GREB1L: variants seen among roughly 807,000 people sequenced by gnomAD.
The protein encoded by GREB1L is GREB1-like protein.
GREB1L carries 17 observed loss-of-function variants against 200.8 expected under a neutral mutation model. The observed-to-expected ratio is 0.08, with a 90% confidence interval of 0.06 to 0.13. The LOEUF (loss-of-function observed/expected upper bound fraction) is 0.13. Among genes scored for constraint, GREB1L ranks in the 10% least tolerant of loss-of-function variants. The pLI, the probability that GREB1L is intolerant of heterozygous loss-of-function variation, is 1.00. For synonymous variants in GREB1L, 789 were observed against 893.0 expected, an observed-to-expected ratio of 0.88 and a Z score of 2.08; for missense variants, 1,657 against 2,367.7, an observed-to-expected ratio of 0.70 and a Z score of 6.23.
At chr18:21,482,498 A>G (rs907222122) in intron 17 of GREB1L, among the ~76,000 whole-genome samples, 42 of 152,192 alleles carry the variant, frequency 2.8e-4, no homozygotes, top group African/African-American at 9.4e-4. Flanking sequence ...ACCTCAAGTG[A>G]TCTGCCCTCC....
intron 2 of GREB1L, among the ~76,000 whole-genome samples, chr18:21,381,769 G>C (rs1195546739): frequency 1.3e-5 from 2 of 152,200 alleles, no homozygotes; most frequent in African/African-American, 2.4e-5. Flanking sequence ...AGAGATTCAA[G>C]GAAAAGTTTG....
At chr18:21,443,049 G>A (rs762723694) in intron 10 of GREB1L, among the ~76,000 whole-genome samples, 10 of 151,562 alleles carry the variant, frequency 6.6e-5, no homozygotes, top group Middle Eastern at 3.2e-3. Flanking sequence ...GATTACGAGC[G>A]TGCACCACCA....
At chr18:21,278,678 C>T (rs1188456920) in intron 1 of GREB1L, among the ~76,000 whole-genome samples, 1 of 151,822 alleles carries the variant, frequency 6.6e-6, no homozygotes, top group East Asian at 1.9e-4. Context: ...ACCAAAAAAA[C>T]ACCAGTCATG....
At chr18:21,346,264 A>G (rs1448475488) in intron 1 of GREB1L, among the ~76,000 whole-genome samples, 3 of 152,200 alleles carry the variant, frequency 2.0e-5, no homozygotes, top group Admixed American at 6.5e-5. Context: ...CACACAGGCT[A>G]TCATGACCAC....
At chr18:21,499,576 A>G (rs8087553) in intron 21 of GREB1L, among the ~76,000 whole-genome samples, 153 bp from the exon 22 acceptor site, 149,985 of 152,342 alleles carry the variant, frequency 0.98, 73,875 homozygotes, top group East Asian at 1. Flanking sequence ...ACACGGAGCA[A>G]TGTGGAGAGC....
intron 20 of GREB1L, among the ~76,000 whole-genome samples, chr18:21,496,081 C>A (rs1241472902): frequency 2.6e-5 from 4 of 152,182 alleles, no homozygotes; most frequent in Non-Finnish European, 4.4e-5. Flanking sequence ...TGTTAATCTG[C>A]TATTCCTGCA....
intron 1 of GREB1L, among the ~76,000 whole-genome samples, chr18:21,267,722 AT>A (rs1218497934): frequency 1.2e-4 from 18 of 151,144 alleles, no homozygotes; most frequent in Non-Finnish European, 2.4e-4. Flanking sequence ...ATTTGCAGGA[AT>A]TTTTTTTTCT....
At position 21,390,693 on chromosome 18, in the gene GREB1L, T is replaced by C. The variant is rs1225803236; in HGVS notation, c.356-4692T>C. On this transcript the variant is annotated intron_variant, in intron 4 of 32. Coordinates refer to ENST00000424526, the MANE Select transcript of GREB1L (RefSeq NM_001142966.3). ...CTGGGACTACAGGCGCCCACCACCA[T>C]GCCCAGCTAATTTTTGTATTTTTAG... Among the ~76,000 whole-genome samples the C allele has an allele frequency of 8.5e-5, 13 of 152,060 alleles. 1 individual carries two copies. Among genetic ancestry groups the C allele is most frequent in the Non-Finnish European group, 1.9e-4 (13 of 68,006 alleles).
intron 16 of GREB1L, among the ~76,000 whole-genome samples, chr18:21,474,286 C>T (rs1015225541): frequency 3.3e-5 from 5 of 152,180 alleles, no homozygotes; most frequent in South Asian, 4.1e-4. Context: ...TTAGTTACTT[C>T]CTAGATAGAA....
intron 17 of GREB1L, among the ~76,000 whole-genome samples, chr18:21,482,775 C>T (rs1358852500): frequency 6.6e-6 from 1 of 151,814 alleles, no homozygotes; most frequent in African/African-American, 2.4e-5. Context: ...TCACCAACGC[C>T]CGCAGCGAAA....
intron 1 of GREB1L, among the ~76,000 whole-genome samples, chr18:21,266,526 G>A (rs563903672): frequency 6.6e-5 from 10 of 152,300 alleles, no homozygotes; most frequent in Non-Finnish European, 1.5e-4. Context: ...AAGTGGACAT[G>A]CTGAGGGCCC....
intron 14 of GREB1L, 55 bp from the exon 15 acceptor site, chr18:21,454,311 T>G: frequency 8.6e-7 from 1 of 1,158,944 alleles, no homozygotes. Flanking sequence ...AGATTCACAG[T>G]GGCCATTAGG....
rs9950702 is a variant in GREB1L at position 21,511,935 on chromosome 18, G to A, written c.4736-1886G>A. On this transcript the variant is annotated intron_variant, in intron 27 of 32. Coordinates refer to ENST00000424526, the MANE Select transcript of GREB1L (RefSeq NM_001142966.3). ...GCTGAGATTACAGGTGTGAGACATC[G>A]TGCCCAGCCCCCAACTGTGTTTGTT... 5.0e-3 allele frequency among the ~76,000 whole-genome samples: 755 copies of A among 152,240 alleles called. 10 individuals are homozygous for A. The highest frequency in any genetic ancestry group is 0.033 in the East Asian group (169 of 5,170).
At chr18:21,470,151 GC>G (rs2035424386) in intron 15 of GREB1L, among the ~76,000 whole-genome samples, 1 of 151,918 alleles carries the variant, frequency 6.6e-6, no homozygotes, top group Non-Finnish European at 1.5e-5. Context: ...AGCCAGGCAT[GC>G]TAGCACATGC....
At chr18:21,317,084 A>AT (rs2038881790) in intron 1 of GREB1L, among the ~76,000 whole-genome samples, 1 of 151,706 alleles carries the variant, frequency 6.6e-6, no homozygotes. Flanking sequence ...TTTCTAATAT[A>AT]TTTTTTTAAA....
At chr18:21,501,803 A>T (rs1413157606) in intron 23 of GREB1L, among the ~76,000 whole-genome samples, 2 of 152,212 alleles carry the variant, frequency 1.3e-5, no homozygotes. Flanking sequence ...TTCTATGTGT[A>T]GAACTGAATG....
At chr18:21,451,985 A>T (rs2034548213) in intron 13 of GREB1L, 98 bp from the exon 14 acceptor site, 3 of 1,127,580 alleles carry the variant, frequency 2.7e-6, no homozygotes, top group Non-Finnish European at 3.8e-6. Flanking sequence ...TGACCAACAA[A>T]TCTACTGAGA....
intron 7 of GREB1L, among the ~76,000 whole-genome samples, chr18:21,436,716 GT>G (rs2033566333): frequency 7.3e-6 from 1 of 136,148 alleles, no homozygotes; most frequent in Non-Finnish European, 1.6e-5. Context: ...GTGTGTGTGT[GT>G]TTTCTTTTTC....
At chr18:21,413,784 T>A (rs2031337013) in intron 7 of GREB1L, among the ~76,000 whole-genome samples, 1 of 152,238 alleles carries the variant, frequency 6.6e-6, no homozygotes, top group African/African-American at 2.4e-5. Context: ...GAGACTTCTA[T>A]TCCTGCTAAG....
Sources: allele counts gnomAD v4.1 joint callset (sites outside exome capture counted in the v4.1 genomes callset), GRCh38; gene constraint gnomAD v4.1.1; transcripts MANE v1.5; gene names NCBI Gene and HGNC (gene_info 2026-07-23, HGNC 2026-07-21).